Variants in MYO1D observed in about 807,000 individuals in gnomAD.
The protein encoded by MYO1D is unconventional myosin-Id.
A neutral mutation model predicts 122.0 loss-of-function variants in MYO1D; 83 were observed. That is an observed-to-expected ratio of 0.68 (90% CI 0.57 to 0.82). MYO1D has a LOEUF of 0.82. Among genes scored for constraint, MYO1D ranks in the 40% least tolerant of loss-of-function variants. The pLI, the probability that MYO1D is intolerant of heterozygous loss-of-function variation, is 0.00. For missense variants in MYO1D, 1,157 were observed against 1,269.5 expected (o/e 0.91, Z 1.35); for synonymous variants, 464 against 446.9 (o/e 1.04, Z -0.48).
rs142274647 is a variant in MYO1D at position 32,684,601 on chromosome 17, G to C, written c.2122-25263C>G. Among the ~76,000 whole-genome samples, 58 of 152,228 alleles carry C rather than the reference G, an allele frequency of 3.8e-4. No individual in the cohort carries two copies. The East Asian group carries it at 7.1e-3, about 19-fold the overall frequency. On this transcript the variant is annotated intron_variant, in intron 16 of 21. Coordinates refer to ENST00000318217, the MANE Select transcript of MYO1D (RefSeq NM_015194.3). ...CATCCAAGGGCTCAGTAACCTTAGG[G>C]TATAAGAGCACTAAAAAGAAACAGC...
chr17:32,795,428 T>A (rs936496880), intron 1 of MYO1D, among the ~76,000 whole-genome samples: 3 of 151,648 alleles, frequency 2.0e-5, no homozygotes, highest in Non-Finnish European at 4.4e-5. Context: ...TTTTTTTTTT[T>A]ACTAACTGAA....
At chr17:32,662,918 C>CTTT (rs66842883) in intron 16 of MYO1D, among the ~76,000 whole-genome samples, 5 of 118,756 alleles carry the variant, frequency 4.2e-5, no homozygotes, top group African/African-American at 1.5e-4. Flanking sequence ...ACTTTCTTTT[C>CTTT]TTTTTTTTTT....
Position 32,855,608 on chromosome 17 carries a change from T to C in MYO1D, c.95+21170A>G, listed in dbSNP as rs181621987. On this transcript the variant is annotated intron_variant, in intron 1 of 21. Transcript: ENST00000318217. ...TTTGTGTTTTTTCTTAGGTTTCGAC[T>C]CCTACTCCTACATCTAACATAGTAC... Among the ~76,000 whole-genome samples the C allele has an allele frequency of 2.4e-3, 372 of 152,348 alleles. 3 individuals are homozygous for C. The highest frequency in any genetic ancestry group is 8.6e-3 in the African/African-American group (359 of 41,582).
chr17:32,767,857 T>A, intron 6 of MYO1D, 105 bp from the exon 7 acceptor site: 1 of 729,910 alleles, frequency 1.4e-6, no homozygotes, highest in South Asian at 1.7e-5. Flanking sequence ...TCATAGTAAA[T>A]CACTTGAGGG....
At chr17:32,822,637 G>T (rs2090681798) in intron 1 of MYO1D, among the ~76,000 whole-genome samples, 1 of 149,060 alleles carries the variant, frequency 6.7e-6, no homozygotes. Flanking sequence ...CCGTCCCGGG[G>T]GGTGGCCGCG....
chr17:32,551,724 A>G (rs1265156775), intron 21 of MYO1D, among the ~76,000 whole-genome samples: 2 of 152,078 alleles, frequency 1.3e-5, no homozygotes, highest in African/African-American at 2.4e-5. Flanking sequence ...CCATTTTCTC[A>G]TGGATCATGA....
chr17:32,841,075 G>A (rs1196802235), intron 1 of MYO1D, among the ~76,000 whole-genome samples: 1 of 152,162 alleles, frequency 6.6e-6, no homozygotes, highest in Non-Finnish European at 1.5e-5. Context: ...ACATGTTCAA[G>A]GTAGGCTAGG....
At chr17:32,691,118 G>T (rs993662979) in intron 16 of MYO1D, among the ~76,000 whole-genome samples, 2 of 151,852 alleles carry the variant, frequency 1.3e-5, no homozygotes, top group Non-Finnish European at 2.9e-5. Flanking sequence ...TTAGCCAGAT[G>T]TTGTGGCACC....
chr17:32,735,482 C>T (rs2089691562), intron 14 of MYO1D, among the ~76,000 whole-genome samples: 1 of 152,204 alleles, frequency 6.6e-6, no homozygotes, highest in Admixed American at 6.5e-5. Context: ...CATGTCTGGC[C>T]TTGATGTATA....
intron 1 of MYO1D, among the ~76,000 whole-genome samples, chr17:32,873,347 GGGAGGACA>G (rs1434554782): frequency 6.6e-6 from 1 of 152,210 alleles, no homozygotes; most frequent in East Asian, 1.9e-4. Flanking sequence ...CAGGTGGGAA[GGGAGGACA>G]GGACATTCCA....
At position 32,653,141 on chromosome 17, in the gene MYO1D, C is replaced by CA. The variant is rs565131074; in HGVS notation, c.2595+701dup. Among the ~76,000 whole-genome samples, 244 of 110,936 alleles carry CA rather than the reference C, an allele frequency of 2.2e-3. 1 individual carries two copies. Among genetic ancestry groups the CA allele is most frequent in the Middle Eastern group, 5.7e-3 (1 of 174 alleles). The allele number at this position is 110,936 out of a possible 152,430, so 72.8% of individuals were successfully genotyped here. On this transcript the variant is annotated intron_variant, in intron 19 of 21. Transcript: ENST00000318217. ...TGGGCGACAGAATGAGACTCCGTCT[C>CA]AAAAAAAAAAAATAAATAAAAGAAA...
chr17:32,548,212 G>C (rs1413391101), intron 21 of MYO1D, among the ~76,000 whole-genome samples: 1 of 151,988 alleles, frequency 6.6e-6, no homozygotes, highest in Non-Finnish European at 1.5e-5. Flanking sequence ...GAGCCCAGGA[G>C]TTGGAGACCA....
chr17:32,505,867 C>A (rs574650893), intron 21 of MYO1D, among the ~76,000 whole-genome samples: 2 of 152,244 alleles, frequency 1.3e-5, no homozygotes, highest in Non-Finnish European at 2.9e-5. Flanking sequence ...AGGAAAAAAA[C>A]CGTCCACCTA....
At chr17:32,668,121 T>C (rs2088661570) in intron 16 of MYO1D, among the ~76,000 whole-genome samples, 1 of 152,240 alleles carries the variant, frequency 6.6e-6, no homozygotes, top group South Asian at 2.1e-4. Context: ...TGGTTTTGTT[T>C]TCTTAAAAGA....
chr17:32,744,992 C>T (rs1368267595), intron 13 of MYO1D, among the ~76,000 whole-genome samples: 10 of 152,098 alleles, frequency 6.6e-5, no homozygotes, highest in Admixed American at 6.5e-4. Context: ...CTGAGGCAAC[C>T]CAAGGGAAAT....
intron 16 of MYO1D, among the ~76,000 whole-genome samples, chr17:32,659,649 G>C (rs2088531635): frequency 6.6e-6 from 1 of 152,132 alleles, no homozygotes; most frequent in Non-Finnish European, 1.5e-5. Flanking sequence ...AAATATCTTT[G>C]GATAAATATT....
At chr17:32,790,149 T>C (rs1343347256) in intron 1 of MYO1D, among the ~76,000 whole-genome samples, 1 of 152,196 alleles carries the variant, frequency 6.6e-6, no homozygotes, top group African/African-American at 2.4e-5. Context: ...ACAGGTATCA[T>C]CTTAACTGAT....
At chr17:32,783,853 G>A (rs1434219415) in intron 1 of MYO1D, among the ~76,000 whole-genome samples, 1 of 152,126 alleles carries the variant, frequency 6.6e-6, no homozygotes, top group African/African-American at 2.4e-5. Flanking sequence ...TGACAAATAG[G>A]ATGTTATCAT....
rs80048953 is a variant in MYO1D, at chr17:32,699,650, A to T, written c.2121+12338T>A. ...TAGATTGGTATTTAAGGGTGACAAA[A>T]GATATCTGGGATGTTCTTTAAAAAC... is the stretch of plus-strand genomic sequence containing the variant. On this transcript the variant is annotated intron_variant, in intron 16 of 21. Transcript: ENST00000318217. 2.0e-5 allele frequency among the ~76,000 whole-genome samples: 3 copies of T among 152,348 alleles called. No individual in the cohort carries two copies. In the East Asian group the frequency reaches 5.8e-4, roughly 29 times the overall value.
Sources: gnomAD v4.1 joint callset for allele counts (sites outside exome capture counted in the v4.1 genomes callset) on GRCh38, gnomAD v4.1.1 for gene constraint, MANE v1.5 for transcripts, NCBI Gene and HGNC (gene_info 2026-07-23, HGNC 2026-07-21) for gene names.